The following HS6ST3 variants were observed in gnomAD, a reference collection of about 807,000 sequenced individuals.
HS6ST3 encodes the protein heparan-sulfate 6-O-sulfotransferase 3.
HS6ST3 carries 12 observed loss-of-function variants against 36.7 expected under a neutral mutation model. The ratio of observed to expected loss-of-function variants is 0.33; its 90% CI spans 0.21 to 0.53. The LOEUF (loss-of-function observed/expected upper bound fraction) is 0.53, where lower values mean the gene tolerates loss of function less well. Among genes scored for constraint, HS6ST3 ranks in the 20% least tolerant of loss-of-function variants. The pLI, the probability that HS6ST3 is intolerant of heterozygous loss-of-function variation, is 0.95. For missense variants in HS6ST3, 584 were observed against 640.9 expected, an observed-to-expected ratio of 0.91 and a Z score of 0.96; for synonymous variants, 240 against 257.5, an observed-to-expected ratio of 0.93 and a Z score of 0.65.
chr13:96,784,931 G>A (rs982232265), intron 1 of HS6ST3, among the ~76,000 whole-genome samples: 38 of 152,306 alleles, frequency 2.5e-4, no homozygotes, highest in African/African-American at 8.9e-4. Context: ...ACTTTGGAAG[G>A]CCAAGGCAGG....
At chr13:96,404,598 G>A (rs773050429) in intron 1 of HS6ST3, among the ~76,000 whole-genome samples, 33 of 152,310 alleles carry the variant, frequency 2.2e-4, no homozygotes, top group African/African-American at 7.0e-4. Flanking sequence ...AGGAAGGAAA[G>A]TTTGGAAGGA....
At chr13:96,520,281 G>A (rs574360976) in intron 1 of HS6ST3, among the ~76,000 whole-genome samples, 4 of 152,284 alleles carry the variant, frequency 2.6e-5, no homozygotes, top group Admixed American at 2.6e-4. Flanking sequence ...TTAGAAGTCA[G>A]GTAGCATGAT....
At chr13:96,746,329 C>G (rs980274675) in intron 1 of HS6ST3, among the ~76,000 whole-genome samples, 1 of 151,948 alleles carries the variant, frequency 6.6e-6, no homozygotes, top group African/African-American at 2.4e-5. Flanking sequence ...ACAGCTGCCC[C>G]CTAAATTCTA....
rs1321584593 is a variant in HS6ST3 at position 96,112,582 on chromosome 13, T to TACATAC, written c.707+21014_707+21015insCATACA. On this transcript the variant is annotated intron_variant, in intron 1 of 1. Transcript: ENST00000376705. ...ACCCCATCTCTAAAATAAATAAATA[T>TACATAC]ATATATATATATATATATATATATA... is the stretch of plus-strand genomic sequence containing the variant. 1.7e-4 allele frequency among the ~76,000 whole-genome samples: 7 copies of TACATAC among 41,758 alleles called. 1 individual carries two copies. The highest frequency in any genetic ancestry group is 5.7e-4 in the African/African-American group (7 of 12,176). 27.4% of individuals were successfully genotyped at this position (41,758 alleles called of 152,430 possible). A position where few individuals can be genotyped will look rare whatever the true frequency, so the allele number is the denominator to read the frequency against.
intron 1 of HS6ST3, among the ~76,000 whole-genome samples, chr13:96,484,015 T>G (rs2055901981): frequency 6.6e-6 from 1 of 152,202 alleles, no homozygotes; most frequent in African/African-American, 2.4e-5. Context: ...CTTTCCTTCA[T>G]GTATTGTCTT....
chr13:96,773,430 G>A (rs1877316479), intron 1 of HS6ST3, among the ~76,000 whole-genome samples: 1 of 152,204 alleles, frequency 6.6e-6, no homozygotes, highest in Non-Finnish European at 1.5e-5. Context: ...CCACTGGCTT[G>A]AAATTCTCGC....
At chr13:96,129,175 A>T (rs748653843) in intron 1 of HS6ST3, among the ~76,000 whole-genome samples, 1 of 152,192 alleles carries the variant, frequency 6.6e-6, no homozygotes, top group Non-Finnish European at 1.5e-5. Context: ...TTCTGGCAAT[A>T]AAATTTTCTC....
At position 96,517,595 on chromosome 13, in the gene HS6ST3, C is replaced by CT. The variant is rs572803750; in HGVS notation, c.708-314888dup. Among the ~76,000 whole-genome samples, 237 of 152,126 alleles carry CT rather than the reference C, an allele frequency of 1.6e-3. 1 individual carries two copies. The highest frequency in any genetic ancestry group is 5.5e-3 in the African/African-American group (229 of 41,506). Reference sequence around the variant, plus strand: ...ATTTTTAGGTGTCGGCTACATTTTCCTTTTTTTCTTAACTTTTATTTTAGG... The same window carrying CT: ...ATTTTTAGGTGTCGGCTACATTTTCCTTTTTTTTCTTAACTTTTATTTTAGG... On this transcript the variant is annotated intron_variant, in intron 1 of 1. Transcript: ENST00000376705.
At chr13:96,168,261 C>T (rs2054170367) in intron 1 of HS6ST3, among the ~76,000 whole-genome samples, 2 of 152,118 alleles carry the variant, frequency 1.3e-5, no homozygotes, top group East Asian at 1.9e-4. Context: ...CTGAGCTCCC[C>T]GGGAGAATCA....
chr13:96,147,342 C>T (rs2054063079), intron 1 of HS6ST3, among the ~76,000 whole-genome samples: 2 of 152,192 alleles, frequency 1.3e-5, no homozygotes, highest in Admixed American at 1.3e-4. Context: ...CATTAACTGT[C>T]TCTTACAGAG....
intron 1 of HS6ST3, among the ~76,000 whole-genome samples, chr13:96,828,356 T>C (rs1022391811): frequency 3.9e-5 from 6 of 152,314 alleles, no homozygotes; most frequent in Admixed American, 3.9e-4. Context: ...TTTTGACAAG[T>C]AGAATAACAT....
intron 1 of HS6ST3, among the ~76,000 whole-genome samples, chr13:96,506,032 A>G (rs3892845): frequency 0.81 from 122,587 of 152,042 alleles, 50,779 homozygotes; most frequent in Non-Finnish European, 0.9. Context: ...ATGCCATTGT[A>G]TGACCTTGAG....
chr13:96,551,085 A>G lies in HS6ST3; in HGVS notation c.708-281405A>G, dbSNP rs534272406. On this transcript the variant is annotated intron_variant, in intron 1 of 1. Coordinates refer to ENST00000376705, the MANE Select transcript of HS6ST3 (RefSeq NM_153456.4). ...CTACCCTTTGAGATCAAAAATTAATATCTTACAAGGGTTTACTCAGAGTAT... is the reference window on the plus strand; with the variant it reads ...CTACCCTTTGAGATCAAAAATTAATGTCTTACAAGGGTTTACTCAGAGTAT... Among the ~76,000 whole-genome samples, 4 of 152,368 alleles carry G rather than the reference A, an allele frequency of 2.6e-5. No individual in the cohort carries two copies. In the South Asian group the frequency reaches 8.3e-4, roughly 32 times the overall value.
intron 1 of HS6ST3, among the ~76,000 whole-genome samples, chr13:96,819,949 G>A (rs376721322): frequency 2.2e-3 from 338 of 152,052 alleles, no homozygotes; most frequent in African/African-American, 7.6e-3. Flanking sequence ...GGTGGCAGAC[G>A]CCTGTAATCC....
chr13:96,433,406 G>A (rs2055625968), intron 1 of HS6ST3, among the ~76,000 whole-genome samples: 1 of 152,164 alleles, frequency 6.6e-6, no homozygotes, highest in Non-Finnish European at 1.5e-5. Flanking sequence ...TCAAGGGTAA[G>A]GTCAGGTGGA....
chr13:96,541,622 A>G (rs759640792), intron 1 of HS6ST3, among the ~76,000 whole-genome samples: 4 of 152,192 alleles, frequency 2.6e-5, no homozygotes, highest in African/African-American at 7.2e-5. Flanking sequence ...TGGTATAAAA[A>G]TGCAAAATGT....
chr13:96,407,336 T>A (rs1198181674), intron 1 of HS6ST3, among the ~76,000 whole-genome samples: 1 of 152,214 alleles, frequency 6.6e-6, no homozygotes, highest in Non-Finnish European at 1.5e-5. Flanking sequence ...ACCTTAAACT[T>A]GGCTCTTGGA....
chr13:96,242,413 T>G (rs1286492014), intron 1 of HS6ST3, among the ~76,000 whole-genome samples: 2 of 151,842 alleles, frequency 1.3e-5, no homozygotes, highest in African/African-American at 4.8e-5. Flanking sequence ...AGATGGGGTT[T>G]TTGCCATGTT....
chr13:96,536,339 T>C (rs2056155297), intron 1 of HS6ST3, among the ~76,000 whole-genome samples: 1 of 152,232 alleles, frequency 6.6e-6, no homozygotes, highest in South Asian at 2.1e-4. Flanking sequence ...TAATTATATT[T>C]ATTTGATACA....
Sources: allele counts gnomAD v4.1 joint callset (sites outside exome capture counted in the v4.1 genomes callset), GRCh38; gene constraint gnomAD v4.1.1; transcripts MANE v1.5; gene names NCBI Gene and HGNC (gene_info 2026-07-23, HGNC 2026-07-21).